Variants in ENTREP1 observed in about 807,000 individuals in gnomAD.
The protein encoded by ENTREP1 is endosomal transmembrane epsin interactor 1.
At chr9:69,392,060 G>A in the ENTREP1 span, 5 of 530,858 alleles carry the variant, frequency 9.4e-6, no homozygotes, top group South Asian at 2.4e-5. Flanking sequence ...GCTGGGCCTC[G>A]CAGCATTCCC....
At chr9:69,373,930 TCTATA>T in the ENTREP1 span, among the ~76,000 whole-genome samples, 2 of 152,166 alleles carry the variant, frequency 1.3e-5, no homozygotes, top group Admixed American at 6.5e-5. Flanking sequence ...CCAAACAATT[TCTATA>T]CTCCAAACAA....
At chr9:69,348,039 T>A in the ENTREP1 span, among the ~76,000 whole-genome samples, 2 of 152,194 alleles carry the variant, frequency 1.3e-5, no homozygotes, top group Non-Finnish European at 2.9e-5. Context: ...TTCTGAGATG[T>A]TCTAAATGAT....
At chr9:69,384,501 G>A in the ENTREP1 span, among the ~76,000 whole-genome samples, 1 of 152,060 alleles carries the variant, frequency 6.6e-6, no homozygotes, top group African/African-American at 2.4e-5. Flanking sequence ...TTTGTCAGGG[G>A]AAAAAAAGTT....
the ENTREP1 span, chr9:69,383,549 C>CA: frequency 6.3e-7 from 1 of 1,584,958 alleles, no homozygotes; most frequent in Non-Finnish European, 8.6e-7. Flanking sequence ...CAGTTTAGAG[C>CA]AAAGCCAGTA....
At chr9:69,365,493 C>A in the ENTREP1 span, among the ~76,000 whole-genome samples, 2 of 152,064 alleles carry the variant, frequency 1.3e-5, no homozygotes, top group East Asian at 3.8e-4. Context: ...TATCCCTCAC[C>A]TTGAGTGTTT....
chr9:69,380,475 T>C, the ENTREP1 span: 4 of 152,234 alleles, frequency 2.6e-5, no homozygotes, highest in Non-Finnish European at 4.4e-5. Context: ...TATTATGACC[T>C]CTCAGAAGAG....
the ENTREP1 span, chr9:69,379,612 C>G: frequency 6.6e-6 from 1 of 152,192 alleles, no homozygotes; most frequent in Non-Finnish European, 1.5e-5. Context: ...TTGCAAAAAT[C>G]TTAGCGCCGT....
chr9:69,326,526 C>T, the ENTREP1 span, among the ~76,000 whole-genome samples: 2 of 152,140 alleles, frequency 1.3e-5, no homozygotes, highest in African/African-American at 4.8e-5. Flanking sequence ...GAGTGCCCAA[C>T]TTCAGAGAAA....
chr9:69,340,664 T>C, the ENTREP1 span, among the ~76,000 whole-genome samples: 64 of 104,892 alleles, frequency 6.1e-4, 3 homozygotes, highest in Non-Finnish European at 9.9e-4. Context: ...TGTGTGTGTG[T>C]GCGTGTGTGT....
the ENTREP1 span, among the ~76,000 whole-genome samples, chr9:69,330,987 A>G: frequency 6.6e-6 from 1 of 152,138 alleles, no homozygotes; most frequent in Non-Finnish European, 1.5e-5. Flanking sequence ...TTTGTAGGAC[A>G]TTATAGTTAC....
the ENTREP1 span, among the ~76,000 whole-genome samples, chr9:69,340,751 G>A: frequency 1.6e-5 from 2 of 122,518 alleles, no homozygotes; most frequent in Non-Finnish European, 3.3e-5. Context: ...GTGTGTTTGT[G>A]TGTGTGCGTG....
chr9:69,373,490 T>A, the ENTREP1 span, among the ~76,000 whole-genome samples: 1 of 152,018 alleles, frequency 6.6e-6, no homozygotes, highest in East Asian at 1.9e-4. Flanking sequence ...TTAAATGAGG[T>A]ATATTGTATG....
At chr9:69,361,441 T>G in the ENTREP1 span, among the ~76,000 whole-genome samples, 1 of 152,206 alleles carries the variant, frequency 6.6e-6, no homozygotes, top group Admixed American at 6.5e-5. Flanking sequence ...CTGAGATTCA[T>G]CCATGTTTTA....
At chr9:69,360,084 C>T in the ENTREP1 span, among the ~76,000 whole-genome samples, 4 of 151,746 alleles carry the variant, frequency 2.6e-5, no homozygotes, top group Non-Finnish European at 5.9e-5. Flanking sequence ...GATTATTCGG[C>T]TAGTAAGCCA....
the ENTREP1 span, among the ~76,000 whole-genome samples, chr9:69,360,642 C>T: frequency 6.6e-6 from 1 of 152,176 alleles, no homozygotes; most frequent in Non-Finnish European, 1.5e-5. Flanking sequence ...TCACTTTCAT[C>T]CTTCCTGGAG....
the ENTREP1 span, among the ~76,000 whole-genome samples, chr9:69,347,959 G>T: frequency 6.6e-6 from 1 of 152,120 alleles, no homozygotes; most frequent in Non-Finnish European, 1.5e-5. Context: ...TCTAGTACGT[G>T]CTTGGTATCA....
the ENTREP1 span, among the ~76,000 whole-genome samples, chr9:69,339,042 G>A: frequency 6.6e-6 from 1 of 152,016 alleles, no homozygotes; most frequent in African/African-American, 2.4e-5. Context: ...TTTTTTGAGA[G>A]AGGGTCTTTC....
At chr9:69,375,763 T>G in the ENTREP1 span, 1 of 1,613,838 alleles carries the variant, frequency 6.2e-7, no homozygotes, top group Admixed American at 1.7e-5. Context: ...CAAGATTTGC[T>G]TCTGTTGTGA....
At chr9:69,342,786 GT>G in the ENTREP1 span, among the ~76,000 whole-genome samples, 1 of 152,352 alleles carries the variant, frequency 6.6e-6, no homozygotes, top group South Asian at 2.1e-4. Context: ...GTAGAAAAAT[GT>G]GCACTTAGGT....
Sources: allele counts gnomAD v4.1 joint callset (sites outside exome capture counted in the v4.1 genomes callset), GRCh38; gene constraint gnomAD v4.1.1; transcripts MANE v1.5; gene names NCBI Gene and HGNC (gene_info 2026-07-23, HGNC 2026-07-21).